COL24A1: variants seen among roughly 807,000 people sequenced by gnomAD.
The protein encoded by COL24A1 is collagen type XXIV alpha 1 chain.
A neutral mutation model predicts 253.9 loss-of-function variants in COL24A1; 224 were observed. The observed-to-expected ratio is 0.88, with a 90% CI of 0.79 to 0.99. COL24A1 has a LOEUF of 0.99. Ranked by LOEUF, COL24A1 falls within the 50% of genes least tolerant of loss-of-function variation. COL24A1 has a pLI of 0.00. For synonymous variants in COL24A1, 685 were observed against 673.7 expected (o/e 1.02, Z -0.26); for missense variants, 2,131 against 2,068.5 (o/e 1.03, Z -0.59).
rs553997845 is a variant in COL24A1 at position 85,914,452 on chromosome 1, G to A, written c.2563-3019C>T. ...GTCACCCAGCTTGGAGTGCAATGGC[G>A]CGATCCTGGCTCACAGCAACCTCTG... On this transcript the variant is annotated intron_variant, in intron 24 of 59. Coordinates refer to ENST00000370571, the MANE Select transcript of COL24A1 (RefSeq NM_152890.7). Among the ~76,000 whole-genome samples, 5 of 149,786 alleles carry A rather than the reference G, an allele frequency of 3.3e-5. No homozygotes were observed. In the South Asian group the frequency reaches 6.3e-4, roughly 19 times the overall value.
rs1571230742 is a variant in COL24A1 at position 85,922,841 on chromosome 1, C to A, written c.2563-11408G>T. 3.3e-5 allele frequency among the ~76,000 whole-genome samples: 5 copies of A among 152,276 alleles called. No homozygotes were observed. In the East Asian group the frequency reaches 9.7e-4, roughly 29 times the overall value. On this transcript the variant is annotated intron_variant, in intron 24 of 59. Transcript: ENST00000370571. ...AATATTAACCTTAAATGTAAATGGG[C>A]TAAATGCCCCAATTAAAAGACACGG... is the stretch of plus-strand genomic sequence containing the variant.
At chr1:85,865,424 T>C (rs1338549698) in intron 37 of COL24A1, among the ~76,000 whole-genome samples, 1 of 152,056 alleles carries the variant, frequency 6.6e-6, no homozygotes, top group Non-Finnish European at 1.5e-5. Context: ...AAAACACACA[T>C]GTGGTGTTAC....
chr1:85,798,358 T>C (rs1671045050), intron 47 of COL24A1, among the ~76,000 whole-genome samples: 1 of 151,300 alleles, frequency 6.6e-6, no homozygotes, highest in South Asian at 2.1e-4. Context: ...GAGTAGAAAA[T>C]GGGCCAAAAC....
chr1:85,926,515 C>T (rs113904982), intron 24 of COL24A1, among the ~76,000 whole-genome samples: 6 of 152,094 alleles, frequency 3.9e-5, no homozygotes, highest in Admixed American at 2.6e-4. Flanking sequence ...ATGTCCTTTG[C>T]AGGGACATGG....
chr1:85,982,000 A>C (rs150469663), intron 20 of COL24A1, among the ~76,000 whole-genome samples: 21 of 152,294 alleles, frequency 1.4e-4, no homozygotes, highest in African/African-American at 5.1e-4. Flanking sequence ...CACAATAGCC[A>C]AGAGGTGTCA....
intron 5 of COL24A1, among the ~76,000 whole-genome samples, chr1:86,097,773 G>T (rs539785767): frequency 6.6e-6 from 1 of 151,552 alleles, no homozygotes; most frequent in Non-Finnish European, 1.5e-5. Flanking sequence ...ATCCCTAGAT[G>T]ATCTCATGAA....
chr1:85,971,204 G>T, intron 21 of COL24A1, 136 bp downstream of exon 21: 1 of 720,960 alleles, frequency 1.4e-6, no homozygotes, highest in Non-Finnish European at 2.4e-6. Context: ...CCAAGACTCT[G>T]TCTAAATATA....
In COL24A1 at chr1:86,008,314, G is replaced by A. The variant is rs1056306265; in HGVS notation, c.2310+8837C>T. ...GGCTGGAGTGCAGTGGTGTAACCTC[G>A]GCTCACCAAAACTTCTGCCTCCTGG... On this transcript the variant is annotated intron_variant, in intron 19 of 59. Coordinates refer to ENST00000370571, the MANE Select transcript of COL24A1 (RefSeq NM_152890.7). Among the ~76,000 whole-genome samples, 5 of 151,632 alleles carry A rather than the reference G, an allele frequency of 3.3e-5. No homozygotes were observed. The East Asian group carries it at 7.8e-4, about 24-fold the overall frequency.
chr1:86,132,267 C>T (rs1270699978), intron 2 of COL24A1, among the ~76,000 whole-genome samples: 2 of 151,906 alleles, frequency 1.3e-5, no homozygotes, highest in African/African-American at 2.4e-5. Context: ...GGATATTAGC[C>T]CTTTGTCAGA....
intron 24 of COL24A1, among the ~76,000 whole-genome samples, chr1:85,927,224 G>T (rs964981047): frequency 3.3e-5 from 5 of 149,660 alleles, no homozygotes; most frequent in Non-Finnish European, 7.4e-5. Context: ...GTGTGTGTGC[G>T]CACCGTGCGC....
chr1:86,024,624 A>G (rs142636456), intron 14 of COL24A1, among the ~76,000 whole-genome samples: 77 of 152,330 alleles, frequency 5.1e-4, no homozygotes, highest in African/African-American at 1.7e-3. Context: ...ATACTTTCCA[A>G]CTTAATAGAT....
chr1:85,790,561 C>G (rs1487684154), intron 47 of COL24A1, among the ~76,000 whole-genome samples: 1 of 151,666 alleles, frequency 6.6e-6, no homozygotes, highest in East Asian at 1.9e-4. Context: ...TTATATGGCA[C>G]TTCCATTGCT....
chr1:86,105,857 G>C (rs11807972), intron 5 of COL24A1, among the ~76,000 whole-genome samples: 1 of 152,100 alleles, frequency 6.6e-6, no homozygotes, highest in African/African-American at 2.4e-5. Context: ...TCCAGGAGTC[G>C]CTGGGGTCCA....
At chr1:85,967,744 C>T (rs1474982280) in intron 22 of COL24A1, among the ~76,000 whole-genome samples, 1 of 152,126 alleles carries the variant, frequency 6.6e-6, no homozygotes, top group African/African-American at 2.4e-5. Flanking sequence ...ACCTAGATCC[C>T]TTGCTTGCAC....
At chr1:86,077,220 C>G (rs1702313084) in intron 7 of COL24A1, among the ~76,000 whole-genome samples, 1 of 152,104 alleles carries the variant, frequency 6.6e-6, no homozygotes, top group Non-Finnish European at 1.5e-5. Flanking sequence ...GACATTTATG[C>G]AGCCAACACA....
chr1:86,037,214 C>T (rs1407014561), intron 12 of COL24A1, among the ~76,000 whole-genome samples: 1 of 152,198 alleles, frequency 6.6e-6, no homozygotes, highest in Non-Finnish European at 1.5e-5. Context: ...TTTAAAGGAT[C>T]TCCAAAGATT....
chr1:85,841,259 C>T lies in COL24A1; in HGVS notation c.3590G>A (p.Ser1197Asn), dbSNP rs77696386. ...AGGCCCAGGTGGTCCTAGGACTGTG[C>T]TATCTTCTCCTGGGTAGCCCTAAAA... ...KGEKGYPGED[S>N]TVLGPPGPRG... Residue 1197 changes from serine to asparagine, a missense_variant, in exon 42 of 60, where the codon AGC becomes AAC. Ser to Asn is a conservative substitution (Grantham distance 46, BLOSUM62 1). Transcript: ENST00000370571. 1.3e-6 allele frequency: 2 copies of T among 1,599,990 alleles called. No individual in the cohort carries two copies.
intron 7 of COL24A1, among the ~76,000 whole-genome samples, chr1:86,076,408 A>G (rs1702246382): frequency 6.6e-6 from 1 of 152,214 alleles, no homozygotes; most frequent in Non-Finnish European, 1.5e-5. Flanking sequence ...AACAAATGGA[A>G]AAACATTCCA....
At chr1:86,150,016 TC>T in intron 1 of COL24A1, among the ~76,000 whole-genome samples, 1 of 152,302 alleles carries the variant, frequency 6.6e-6, no homozygotes, top group African/African-American at 2.4e-5. Context: ...AGCTTCAATT[TC>T]CTTTTTTAGC....
Sources: allele counts gnomAD v4.1 joint callset (sites outside exome capture counted in the v4.1 genomes callset), GRCh38; gene constraint gnomAD v4.1.1; transcripts MANE v1.5; gene names NCBI Gene and HGNC (gene_info 2026-07-23, HGNC 2026-07-21).